The following MMP16 variants were observed in gnomAD, a reference collection of about 807,000 sequenced individuals.
MMP16 encodes matrix metallopeptidase 16.
MMP16 carries 12 observed loss-of-function variants against 67.8 expected under a neutral mutation model. That is an observed-to-expected ratio of 0.18 (90% CI 0.11 to 0.29). MMP16 has a LOEUF of 0.29. MMP16 is among the 10% of genes least tolerant of loss of function. The pLI, the probability that MMP16 is intolerant of heterozygous loss-of-function variation, is 1.00. For synonymous variants in MMP16, 249 were observed against 255.9 expected (o/e 0.97, Z 0.26); for missense variants, 475 against 765.7 (o/e 0.62, Z 4.48).
chr8:88,116,717 A>C lies in MMP16; in HGVS notation c.873T>G (p.Gly291=). The C allele has an allele frequency of 6.2e-7, 1 of 1,612,992 alleles. No homozygotes were observed. Among genetic ancestry groups the C allele is most frequent in the South Asian group, 1.1e-5 (1 of 91,050 alleles). ...DDLQGIQKIY[G]PPDKIPPPTR... ...TAGGTGGAGGAATCTTGTCAGGTGG[A>C]CCTTTTGAAAATATGAGGACAGTGC... Residue 291 remains glycine, a splice_region_variant and synonymous_variant, in exon 6 of 10, where the codon GGT becomes GGG. Coordinates refer to ENST00000286614, the MANE Select transcript of MMP16 (RefSeq NM_005941.5).
chr8:88,222,377 T>C (rs575248003), intron 1 of MMP16, among the ~76,000 whole-genome samples: 1 of 152,164 alleles, frequency 6.6e-6, no homozygotes, highest in Admixed American at 6.6e-5. Context: ...AAAAAGAGCC[T>C]GCATTGCCAA....
intron 1 of MMP16, among the ~76,000 whole-genome samples, chr8:88,263,972 GAA>G (rs1161835396): frequency 1.2e-4 from 12 of 97,848 alleles, no homozygotes; most frequent in East Asian, 7.5e-4. Context: ...GAGAGAGAGA[GAA>G]AGAGAGAGAG....
intron 7 of MMP16, among the ~76,000 whole-genome samples, chr8:88,066,227 T>A (rs922022827): frequency 6.6e-6 from 1 of 152,168 alleles, no homozygotes; most frequent in African/African-American, 2.4e-5. Flanking sequence ...AGACAGCTTT[T>A]TTGATACTAT....
At chr8:88,222,381 T>C (rs1809697282) in intron 1 of MMP16, among the ~76,000 whole-genome samples, 1 of 152,148 alleles carries the variant, frequency 6.6e-6, no homozygotes, top group Non-Finnish European at 1.5e-5. Flanking sequence ...AGAGCCTGCA[T>C]TGCCAAGATA....
At chr8:88,066,706 C>T (rs866369551) in intron 7 of MMP16, among the ~76,000 whole-genome samples, 1 of 151,846 alleles carries the variant, frequency 6.6e-6, no homozygotes, top group African/African-American at 2.4e-5. Context: ...AAAACAAAAA[C>T]AGCAGCAAAA....
intron 4 of MMP16, among the ~76,000 whole-genome samples, chr8:88,160,421 G>A (rs1020706471): frequency 1.7e-4 from 26 of 151,698 alleles, no homozygotes; most frequent in Admixed American, 4.6e-4. Flanking sequence ...GAATAGTGAC[G>A]CAATAAATTT....
chr8:88,062,983 G>C (rs993058443), intron 7 of MMP16, among the ~76,000 whole-genome samples: 1 of 152,080 alleles, frequency 6.6e-6, no homozygotes, highest in Non-Finnish European at 1.5e-5. Flanking sequence ...CTTTTTGGCA[G>C]AATGTAAGTA....
intron 3 of MMP16, among the ~76,000 whole-genome samples, chr8:88,177,081 T>C (rs1429237092): frequency 6.6e-6 from 1 of 152,230 alleles, no homozygotes; most frequent in Non-Finnish European, 1.5e-5. Context: ...CATAATTTTC[T>C]CCATAAAAGG....
intron 1 of MMP16, among the ~76,000 whole-genome samples, chr8:88,249,982 A>G (rs1810181622): frequency 6.6e-6 from 1 of 152,108 alleles, no homozygotes; most frequent in Non-Finnish European, 1.5e-5. Flanking sequence ...TTTTAGCACT[A>G]TTTGCAAACA....
At chr8:88,203,637 T>G (rs1809379253) in intron 1 of MMP16, among the ~76,000 whole-genome samples, 1 of 152,206 alleles carries the variant, frequency 6.6e-6, no homozygotes, top group Non-Finnish European at 1.5e-5. Flanking sequence ...TATTTTTCTG[T>G]GCCAGGTTAC....
Position 88,037,523 on chromosome 8 carries a change from A to G in MMP16, c.*3938T>C, listed in dbSNP as rs1276806040. The G allele has an allele frequency of 6.6e-6, 1 of 151,954 alleles. No individual in the cohort carries two copies. Among genetic ancestry groups the G allele is most frequent in the African/African-American group, 2.4e-5 (1 of 41,424 alleles). The allele number at this position is 151,954 out of a possible 1,614,324, so 9.4% of individuals were successfully genotyped here. A position where few individuals can be genotyped will look rare whatever the true frequency, so the allele number is the denominator to read the frequency against. On this transcript the variant is annotated 3_prime_UTR_variant, in exon 10 of 10. Transcript: ENST00000286614. ...AAAGCCTTGCCCTCTGATTTATAAC[A>G]GAAGTTGTCTTTGCTAGTATCACAT...
chr8:88,178,923 T>A (rs904171007), intron 3 of MMP16, among the ~76,000 whole-genome samples: 1 of 151,886 alleles, frequency 6.6e-6, no homozygotes, highest in African/African-American at 2.4e-5. Context: ...TAGCTGTGGG[T>A]TTTTAGTAAA....
intron 1 of MMP16, among the ~76,000 whole-genome samples, chr8:88,307,890 A>C (rs7817311): frequency 0.1 from 15,419 of 152,078 alleles, 941 homozygotes; most frequent in South Asian, 0.17. Context: ...ATTTATAAAT[A>C]GATGAAAGTC....
chr8:88,251,719 G>C (rs1318814406), intron 1 of MMP16, among the ~76,000 whole-genome samples: 1 of 140,976 alleles, frequency 7.1e-6, no homozygotes, highest in Non-Finnish European at 1.5e-5. Flanking sequence ...CTACAAAATG[G>C]GAGAAAATTT....
At chr8:88,301,088 T>C (rs1490636044) in intron 1 of MMP16, among the ~76,000 whole-genome samples, 1 of 152,194 alleles carries the variant, frequency 6.6e-6, no homozygotes, top group East Asian at 1.9e-4. Flanking sequence ...TCATTTATCT[T>C]GTACAAAAAA....
chr8:88,076,855 CAGAA>C (rs745533679), intron 6 of MMP16, among the ~76,000 whole-genome samples: 11 of 152,000 alleles, frequency 7.2e-5, no homozygotes, highest in Non-Finnish European at 1.6e-4. Context: ...ATATATGAAA[CAGAA>C]AGCTCTCCAA....
At chr8:88,155,950 C>T (rs143040469) in intron 4 of MMP16, among the ~76,000 whole-genome samples, 1 of 152,142 alleles carries the variant, frequency 6.6e-6, no homozygotes, top group Admixed American at 6.6e-5. Context: ...TTAGGCAAGT[C>T]AACAAATTTT....
At chr8:88,223,540 C>A (rs1428183399) in intron 1 of MMP16, among the ~76,000 whole-genome samples, 1 of 151,696 alleles carries the variant, frequency 6.6e-6, no homozygotes, top group African/African-American at 2.4e-5. Flanking sequence ...ATGTCCTTTG[C>A]AGGGACATGG....
chr8:88,273,436 G>A (rs1278981060), intron 1 of MMP16, among the ~76,000 whole-genome samples: 4 of 151,958 alleles, frequency 2.6e-5, no homozygotes, highest in East Asian at 1.9e-4. Context: ...TCAATCCTCC[G>A]ACTTGACCCA....
Sources: allele counts gnomAD v4.1 joint callset (sites outside exome capture counted in the v4.1 genomes callset), GRCh38; gene constraint gnomAD v4.1.1; transcripts MANE v1.5; gene names NCBI Gene and HGNC (gene_info 2026-07-23, HGNC 2026-07-21).